BCL2L13: variants seen among roughly 807,000 people sequenced by gnomAD.
BCL2L13 encodes BCL2 like 13, also known as bcl-2-like protein 13.
A neutral mutation model predicts 25.8 loss-of-function variants in BCL2L13; 13 were observed. The observed-to-expected ratio is 0.50, with a 90% CI of 0.33 to 0.80. The LOEUF is 0.80. BCL2L13 is among the 30% of genes least tolerant of loss of function. The pLI is 0.02. For synonymous variants in BCL2L13, 244 were observed against 230.3 expected (o/e 1.06, Z -0.54); for missense variants, 504 against 574.9 (o/e 0.88, Z 1.26).
intron 2 of BCL2L13, among the ~76,000 whole-genome samples, chr22:17,661,852 G>C (rs188498771): frequency 8.8e-6 from 1 of 114,200 alleles, no homozygotes; most frequent in Non-Finnish European, 2.3e-5. Context: ...TTAGGTGGGT[G>C]TGGTGGCGCA....
At chr22:17,635,698 A>T (rs147297819), upstream of BCL2L13, among the ~76,000 whole-genome samples, 12 of 151,864 alleles carry the variant, frequency 7.9e-5, no homozygotes, top group East Asian at 1.8e-3. Flanking sequence ...GAACATACCC[A>T]TTTCCACAAA....
intron 2 of BCL2L13, among the ~76,000 whole-genome samples, chr22:17,663,699 T>TTTTTTG (rs1414441204): frequency 6.8e-6 from 1 of 147,544 alleles, no homozygotes; most frequent in Non-Finnish European, 1.5e-5. Context: ...TTTTTTTTTT[T>TTTTTTG]TTGAGATGGA....
chr22:17,685,661 G>A (rs1263412542), intron 3 of BCL2L13, among the ~76,000 whole-genome samples: 2 of 150,442 alleles, frequency 1.3e-5, no homozygotes, highest in African/African-American at 4.9e-5. Context: ...TGGAAATTTA[G>A]GTTGTTTCTA....
chr22:17,712,168 A>T (rs1472748391), intron 6 of BCL2L13, among the ~76,000 whole-genome samples: 8 of 152,140 alleles, frequency 5.3e-5, no homozygotes, highest in Non-Finnish European at 1.2e-4. Flanking sequence ...AAATTGGATG[A>T]TCTTCTCATG....
At chr22:17,685,760 C>CTTTTTTTTTTTT (rs1166792513) in intron 3 of BCL2L13, among the ~76,000 whole-genome samples, 2,215 of 60,666 alleles carry the variant, frequency 0.037, 667 homozygotes, top group East Asian at 0.071. Context: ...TTTTCTTTTT[C>CTTTTTTTTTTTT]TTTTTTTTTT....
upstream of BCL2L13, among the ~76,000 whole-genome samples, chr22:17,637,866 T>C (rs1209453465): frequency 1.3e-5 from 2 of 152,158 alleles, no homozygotes; most frequent in East Asian, 3.8e-4. Context: ...TCTCATAACA[T>C]AGAATTCACC....
chr22:17,643,402 C>T (rs1008063587), intron 1 of BCL2L13, among the ~76,000 whole-genome samples: 1 of 151,844 alleles, frequency 6.6e-6, no homozygotes, highest in African/African-American at 2.4e-5. Context: ...CCGCGCCCGG[C>T]CATTTCATAA....
chr22:17,639,748 C>T (rs1362292718), intron 1 of BCL2L13, among the ~76,000 whole-genome samples: 1 of 152,082 alleles, frequency 6.6e-6, no homozygotes, highest in Non-Finnish European at 1.5e-5. Context: ...ACTTCTTTGG[C>T]GAAATTATAA....
chr22:17,648,388 T>A lies in BCL2L13; in HGVS notation c.-50-7274T>A, dbSNP rs186442819. 1.9e-3 allele frequency among the ~76,000 whole-genome samples: 294 copies of A among 152,120 alleles called. 3 individuals carry two copies. The highest frequency in any genetic ancestry group is 6.5e-3 in the African/African-American group (272 of 41,528). On this transcript the variant is annotated intron_variant, in intron 1 of 6. Transcript: ENST00000317582. ...AGGAGCTGCTGCATTGCTACACAAC[T>A]GGAAGCTCAAGCTAAATTAGAAGTT...
intron 2 of BCL2L13, among the ~76,000 whole-genome samples, chr22:17,674,345 C>T (rs2146647835): frequency 6.6e-6 from 1 of 152,106 alleles, no homozygotes; most frequent in South Asian, 2.1e-4. Flanking sequence ...GCTGGCGGGG[C>T]ACAGTGGCTT....
Position 17,727,508 on chromosome 22 carries a change from G to A in BCL2L13, c.1432G>A (p.Val478Ile). 6.2e-7 allele frequency: 1 copy of A among 1,614,226 alleles called. No homozygotes were observed. Among genetic ancestry groups the A allele is most frequent in the South Asian group, 1.1e-5 (1 of 91,086 alleles). ...TGCCATCCTGGCAGTGGCCATCGGG[G>A]TAGCCCTGGCTCTGAGAAAGAAATA... is the stretch of plus-strand genomic sequence containing the variant. Reference protein sequence around the residue: ...AVAILAVAIGVALALRKK With the variant: ...AVAILAVAIGIALALRKK Residue 478 changes from valine to isoleucine, a missense_variant, in exon 7 of 7, where the codon GTA becomes ATA. Val to Ile is a conservative substitution (Grantham distance 29, BLOSUM62 3). Coordinates refer to ENST00000317582, the MANE Select transcript of BCL2L13 (RefSeq NM_015367.4).
chr22:17,668,628 G>A (rs2059314255), intron 2 of BCL2L13, among the ~76,000 whole-genome samples: 1 of 151,584 alleles, frequency 6.6e-6, no homozygotes, highest in South Asian at 2.1e-4. Flanking sequence ...CACGATGCCT[G>A]GCTAATTTTT....
chr22:17,693,365 AGTGTTTGTT>A (rs1428697230), intron 4 of BCL2L13, among the ~76,000 whole-genome samples: 1 of 81,600 alleles, frequency 1.2e-5, no homozygotes, highest in African/African-American at 4.6e-5. Flanking sequence ...TTATTTATTT[AGTGTTTGTT>A]TTTTTTTTTT....
At chr22:17,663,931 C>A (rs1363771792) in intron 2 of BCL2L13, among the ~76,000 whole-genome samples, 1 of 152,060 alleles carries the variant, frequency 6.6e-6, no homozygotes, top group African/African-American at 2.4e-5. Flanking sequence ...TCACTGCAAC[C>A]TCCGCCTCCC....
At chr22:17,696,017 G>C in intron 4 of BCL2L13, 124 bp from the exon 5 acceptor site, 1 of 646,660 alleles carries the variant, frequency 1.5e-6, no homozygotes, top group East Asian at 3.0e-5. Flanking sequence ...GTACAAAACA[G>C]TATGTTGAAT....
At chr22:17,662,587 C>T (rs1214274763) in intron 2 of BCL2L13, among the ~76,000 whole-genome samples, 1 of 152,066 alleles carries the variant, frequency 6.6e-6, no homozygotes, top group Non-Finnish European at 1.5e-5. Context: ...TTTAGGAGGC[C>T]GAGGTGGGCC....
At chr22:17,638,117 C>G (rs1251591527), upstream of BCL2L13, 1 of 152,232 alleles carries the variant, frequency 6.6e-6, no homozygotes, top group African/African-American at 2.4e-5. Context: ...TTCCGATACT[C>G]CTCCAAAGAA....
intron 6 of BCL2L13, among the ~76,000 whole-genome samples, chr22:17,711,792 G>T (rs1237696571): frequency 1.3e-5 from 2 of 152,178 alleles, no homozygotes; most frequent in African/African-American, 4.8e-5. Context: ...CCTATCAGTT[G>T]TCACTTGAGA....
At chr22:17,724,791 G>T (rs1282923826) in intron 6 of BCL2L13, among the ~76,000 whole-genome samples, 1 of 152,184 alleles carries the variant, frequency 6.6e-6, no homozygotes, top group East Asian at 1.9e-4. Context: ...TCTAGCCTTT[G>T]TATGACAATT....
Sources: allele counts gnomAD v4.1 joint callset (sites outside exome capture counted in the v4.1 genomes callset), GRCh38; gene constraint gnomAD v4.1.1; transcripts MANE v1.5; gene names NCBI Gene and HGNC (gene_info 2026-07-23, HGNC 2026-07-21).